Variants in EED observed in about 807,000 individuals in gnomAD.
The protein encoded by EED is embryonic ectoderm development, also known as polycomb protein EED.
Under a neutral mutation model 61.0 loss-of-function variants are expected in EED, and 9 were observed. That is an observed-to-expected ratio of 0.15 (90% confidence interval 0.09 to 0.26). The LOEUF (loss-of-function observed/expected upper bound fraction) is 0.26. Among genes scored for constraint, EED ranks in the 10% least tolerant of loss-of-function variants. The probability of loss-of-function intolerance (pLI) is 1.00; values close to 1 mark genes in which losing one functional copy is unlikely to be tolerated. For missense variants in EED, 315 were observed against 542.3 expected, an observed-to-expected ratio of 0.58 and a Z score of 4.16; for synonymous variants, 187 against 174.4, an observed-to-expected ratio of 1.07 and a Z score of -0.57.
At chr11:86,277,835 A>G in intron 10 of EED, 83 bp from the exon 11 acceptor site, 5 of 1,356,200 alleles carry the variant, frequency 3.7e-6, no homozygotes, top group Non-Finnish European at 4.9e-6. Flanking sequence ...TTCTGAAACA[A>G]GAAAGCTGTC....
chr11:86,257,457 GA>G (rs1945708963), intron 5 of EED, 57 bp from the exon 6 acceptor site: 8 of 1,322,632 alleles, frequency 6.0e-6, no homozygotes, highest in East Asian at 3.0e-5. Context: ...AAAGATTTAT[GA>G]AAAAAAATTT....
At chr11:86,257,185 T>TTGTGTGTG (rs71040223) in intron 5 of EED, among the ~76,000 whole-genome samples, 2,069 of 143,450 alleles carry the variant, frequency 0.014, 47 homozygotes, top group African/African-American at 0.049. Flanking sequence ...AATTTTTAAT[T>TTGTGTGTG]TGTGTGTGTG....
intron 9 of EED, chr11:86,270,107 C>T (rs1281261123): frequency 2.9e-6 from 2 of 700,412 alleles, no homozygotes; most frequent in Non-Finnish European, 5.2e-6. Flanking sequence ...TTTACATTCC[C>T]ACCAGCAATG....
chr11:86,278,164 G>A, intron 11 of EED, 173 bp downstream of exon 11: 1 of 1,328,442 alleles, frequency 7.5e-7, no homozygotes, highest in Non-Finnish European at 9.6e-7. Flanking sequence ...TTTTTCCTAA[G>A]TACCTTGGTG....
rs1201014510 is a variant in EED, at chr11:86,278,591, T to C, written c.*66T>C. 6.3e-7 allele frequency: 1 copy of C among 1,578,770 alleles called. No homozygotes were observed. ...TGTGTAAAATAGAATTAATGTATCT[T>C]GCTAGTAAGGGCACGTAGAGCATTT... On this transcript the variant is annotated 3_prime_UTR_variant, in exon 12 of 12. Coordinates refer to ENST00000263360, the MANE Select transcript of EED (RefSeq NM_003797.5).
chr11:86,249,381 G>GA (rs34097493), intron 1 of EED, among the ~76,000 whole-genome samples: 46,818 of 125,438 alleles, frequency 0.37, 7,798 homozygotes, highest in Middle Eastern at 0.4. Context: ...GCATTTCATG[G>GA]AAAAAAAAAA....
At chr11:86,251,538 T>C (rs578061837) in intron 2 of EED, among the ~76,000 whole-genome samples, 16 of 152,302 alleles carry the variant, frequency 1.1e-4, no homozygotes, top group South Asian at 4.1e-4. Flanking sequence ...ATCCTAAAGC[T>C]GAAAAATAAC....
chr11:86,256,265 T>G, intron 4 of EED, 122 bp from the exon 5 acceptor site: 1 of 917,818 alleles, frequency 1.1e-6, no homozygotes, highest in Non-Finnish European at 1.5e-6. Context: ...TATTTGGTTG[T>G]ATAAGGAAAA....
At chr11:86,246,263 G>C (rs969748458) in intron 1 of EED, among the ~76,000 whole-genome samples, 1 of 152,230 alleles carries the variant, frequency 6.6e-6, no homozygotes, top group African/African-American at 2.4e-5. Context: ...GGTCAACGAA[G>C]TATCTTGACA....
At chr11:86,281,730 C>G (rs935740830), downstream of EED, among the ~76,000 whole-genome samples, 2 of 152,310 alleles carry the variant, frequency 1.3e-5, no homozygotes, top group South Asian at 4.1e-4. Flanking sequence ...ATAGCTGTCA[C>G]TGCACCCTCG....
At chr11:86,282,608 A>G (rs1317858014), downstream of EED, among the ~76,000 whole-genome samples, 1 of 152,146 alleles carries the variant, frequency 6.6e-6, no homozygotes, top group Non-Finnish European at 1.5e-5. Context: ...TTTGTACCAA[A>G]TTACACTTGC....
intron 2 of EED, 47 bp from the exon 3 acceptor site, chr11:86,252,101 G>A (rs1378055436): frequency 6.7e-7 from 1 of 1,499,828 alleles, no homozygotes; most frequent in Non-Finnish European, 9.2e-7. Context: ...TCATTTTCTG[G>A]TTTGTAAGAT....
At chr11:86,275,586 T>G (rs1189012566) in intron 9 of EED, among the ~76,000 whole-genome samples, 1 of 152,200 alleles carries the variant, frequency 6.6e-6, no homozygotes, top group African/African-American at 2.4e-5. Flanking sequence ...AGTTTTTCCA[T>G]CCAGGGACTC....
In EED at chr11:86,277,155, A is replaced by G; in HGVS notation, c.1125+17A>G. On this transcript the variant is annotated intron_variant, in intron 10 of 11. Coordinates refer to ENST00000263360, the MANE Select transcript of EED (RefSeq NM_003797.5). ...TGGCAAAAGGTATCAACATACTTTT[A>G]CATTTTGAAATGATCTGACTTATGA... 6.4e-7 allele frequency: 1 copy of G among 1,552,404 alleles called. No homozygotes were observed. The highest frequency in any genetic ancestry group is 1.7e-4 in the Middle Eastern group (1 of 5,826).
At chr11:86,259,693 C>G (rs190797375) in intron 6 of EED, among the ~76,000 whole-genome samples, 1 of 152,312 alleles carries the variant, frequency 6.6e-6, no homozygotes, top group East Asian at 1.9e-4. Context: ...GCCAAAAGTT[C>G]TGAATGACAT....
At chr11:86,269,112 T>C (rs1353144490) in intron 9 of EED, among the ~76,000 whole-genome samples, 1 of 152,190 alleles carries the variant, frequency 6.6e-6, no homozygotes, top group Non-Finnish European at 1.5e-5. Context: ...CTATCTTAAA[T>C]GTGCTCAGAA....
At chr11:86,269,193 A>T (rs76311494) in intron 9 of EED, among the ~76,000 whole-genome samples, 7,189 of 152,270 alleles carry the variant, frequency 0.047, 458 homozygotes, top group African/African-American at 0.14. Context: ...TATCTCACAT[A>T]CTGCATACTG....
intron 1 of EED, among the ~76,000 whole-genome samples, chr11:86,247,770 G>T (rs1357919008): frequency 6.6e-6 from 1 of 152,194 alleles, no homozygotes; most frequent in Non-Finnish European, 1.5e-5. Flanking sequence ...ACTCTTGAGG[G>T]AGCCAAATAA....
Position 86,266,151 on chromosome 11 carries a change from C to G in EED, c.795C>G (p.Ile265Met). ...ATCATTCTCTTAAACTTTGGAGGAT[C>G]AATTCAAAGAGAATGATGAATGCAA... ...GMDHSLKLWR[I>M]NSKRMMNAIK... is the part of the protein sequence containing the mutation. Residue 265 changes from isoleucine to methionine, a missense_variant, in exon 8 of 12, where the codon ATC (isoleucine) becomes ATG (methionine). Coordinates refer to ENST00000263360, the MANE Select transcript of EED (RefSeq NM_003797.5). 6.2e-7 allele frequency: 1 copy of G among 1,602,184 alleles called. No homozygotes were observed. The highest frequency in any genetic ancestry group is 1.7e-5 in the Admixed American group (1 of 59,418).
Sources: allele counts gnomAD v4.1 joint callset (sites outside exome capture counted in the v4.1 genomes callset), GRCh38; gene constraint gnomAD v4.1.1; transcripts MANE v1.5; gene names NCBI Gene and HGNC (gene_info 2026-07-23, HGNC 2026-07-21).